Variants in CWH43 observed in about 807,000 individuals in gnomAD.
CWH43 encodes the protein cell wall biogenesis 43 C-terminal homolog, also known as PGAP2-interacting protein.
Under a neutral mutation model 85.7 loss-of-function variants are expected in CWH43, and 91 were observed. That is an observed-to-expected ratio of 1.06 (90% CI 0.90 to 1.26). CWH43 has a LOEUF of 1.26. Ranked by LOEUF, CWH43 falls within the 50% of genes most tolerant of loss-of-function variation. CWH43 has a pLI of 0.00. For synonymous variants in CWH43, 323 were observed against 293.6 expected, an observed-to-expected ratio of 1.10 and a Z score of -1.02; for missense variants, 869 against 839.2, an observed-to-expected ratio of 1.04 and a Z score of -0.44.
intron 9 of CWH43, among the ~76,000 whole-genome samples, chr4:49,024,863 T>C (rs906333449): frequency 2.0e-5 from 3 of 152,150 alleles, no homozygotes; most frequent in Non-Finnish European, 2.9e-5. Flanking sequence ...ATTTCCCAAG[T>C]GTTTTTTGAG....
chr4:49,041,684 T>C (rs1219890689), intron 13 of CWH43, among the ~76,000 whole-genome samples: 1 of 152,186 alleles, frequency 6.6e-6, no homozygotes, highest in African/African-American at 2.4e-5. Flanking sequence ...AGCACTGGAA[T>C]GGCACTGTGT....
intron 6 of CWH43, 27 bp from the exon 7 acceptor site, chr4:49,003,708 T>C: frequency 6.2e-7 from 1 of 1,612,540 alleles, no homozygotes; most frequent in African/African-American, 1.3e-5. Flanking sequence ...TGCTTTCCTG[T>C]CTGATTCTTT....
At chr4:49,035,907 G>A (rs1784248329) in intron 12 of CWH43, among the ~76,000 whole-genome samples, 1 of 152,120 alleles carries the variant, frequency 6.6e-6, no homozygotes, top group Admixed American at 6.6e-5. Flanking sequence ...AATCCTTGTT[G>A]TAGGTATCAG....
At chr4:49,060,792 A>C (rs573143641) in intron 15 of CWH43, among the ~76,000 whole-genome samples, 5 of 152,292 alleles carry the variant, frequency 3.3e-5, no homozygotes, top group African/African-American at 1.2e-4. Flanking sequence ...AGGGACAAGC[A>C]CTGGAAAGTC....
intron 15 of CWH43, among the ~76,000 whole-genome samples, chr4:49,053,845 T>C (rs945874434): frequency 6.6e-6 from 1 of 152,186 alleles, no homozygotes; most frequent in Non-Finnish European, 1.5e-5. Flanking sequence ...AAACAGTAAG[T>C]ATAATGCAAA....
chr4:49,035,713 T>G (rs572282660), intron 12 of CWH43, among the ~76,000 whole-genome samples: 3 of 152,334 alleles, frequency 2.0e-5, no homozygotes, highest in Admixed American at 2.0e-4. Context: ...CTTATACATA[T>G]ACTTTTTACT....
At chr4:48,994,567 G>A (rs369675204) in intron 4 of CWH43, 52 bp from the exon 5 acceptor site, 28 of 1,462,212 alleles carry the variant, frequency 1.9e-5, no homozygotes, top group South Asian at 2.4e-5. Context: ...AATATAGAGC[G>A]CAAATTTCCA....
At chr4:49,023,586 C>T (rs577215542) in intron 9 of CWH43, among the ~76,000 whole-genome samples, 83 of 152,002 alleles carry the variant, frequency 5.5e-4, no homozygotes, top group African/African-American at 1.7e-3. Context: ...CATGTTGGTC[C>T]GGCTGGTCTT....
chr4:49,047,007 C>T (rs1469146306), intron 14 of CWH43, among the ~76,000 whole-genome samples: 1 of 152,176 alleles, frequency 6.6e-6, no homozygotes, highest in African/African-American at 2.4e-5. Flanking sequence ...TTCCCTGAGC[C>T]TTAGTCTTTT....
intron 2 of CWH43, among the ~76,000 whole-genome samples, chr4:48,989,179 G>A (rs1466445862): frequency 6.6e-6 from 1 of 152,112 alleles, no homozygotes; most frequent in African/African-American, 2.4e-5. Flanking sequence ...ATAGAAAAGG[G>A]GGCACAGGAT....
chr4:49,032,850 G>A, intron 12 of CWH43, 135 bp downstream of exon 12: 10 of 1,143,320 alleles, frequency 8.7e-6, no homozygotes, highest in Non-Finnish European at 1.1e-5. Flanking sequence ...TGCGTTGCTG[G>A]TTTTAAAAAT....
At position 49,044,821 on chromosome 4, in the gene CWH43, A is replaced by G. The variant is rs776039341; in HGVS notation, c.1839A>G (p.Glu613=). Residue 613 remains glutamate (E), a synonymous_variant, in exon 14 of 16, where the codon GAA becomes GAG. Transcript: ENST00000226432. ...IDSTDHDRWC[E]YIMYRGLIRL... Reference sequence around the variant, plus strand: ...GCACTGATCATGACAGATGGTGTGAATACATTATGTATCGAGGGCTGATCA... The same window carrying G: ...GCACTGATCATGACAGATGGTGTGAGTACATTATGTATCGAGGGCTGATCA... 9.3e-6 allele frequency: 15 copies of G among 1,613,226 alleles called. No homozygotes were observed. In the South Asian group the frequency reaches 1.5e-4, roughly 17 times the overall value.
At chr4:49,021,415 CT>C (rs974739151) in intron 9 of CWH43, among the ~76,000 whole-genome samples, 1 of 152,068 alleles carries the variant, frequency 6.6e-6, no homozygotes, top group Non-Finnish European at 1.5e-5. Context: ...GTCTATATGC[CT>C]TTTTTTATAC....
chr4:49,050,716 C>A lies in CWH43; in HGVS notation c.1888C>A (p.His630Asn). ...CAGGTTGGGTTATGCAAGAATCTCC[C>A]ATGCTGAACTGAGTGATTCAGAAAT... is the stretch of plus-strand genomic sequence containing the variant. ...LIRLGYARISHAELSDSEIQM... is the reference protein window; with the variant it reads ...LIRLGYARISNAELSDSEIQM... Residue 630 changes from histidine (H) to asparagine (N), a missense_variant, in exon 15 of 16, where the codon CAT (histidine) becomes AAT (asparagine). Transcript: ENST00000226432. 1 of 1,612,190 alleles carries A rather than the reference C, an allele frequency of 6.2e-7. No homozygotes were observed. The highest frequency in any genetic ancestry group is 1.1e-5 in the South Asian group (1 of 90,686).
At chr4:49,008,388 T>A (rs918788537) in intron 8 of CWH43, among the ~76,000 whole-genome samples, 1 of 144,990 alleles carries the variant, frequency 6.9e-6, no homozygotes, top group African/African-American at 2.5e-5. Context: ...CTTTGTCACA[T>A]GGATAGATTG....
chr4:49,038,574 C>A (rs528808655), intron 13 of CWH43, among the ~76,000 whole-genome samples: 70 of 152,244 alleles, frequency 4.6e-4, no homozygotes, highest in Non-Finnish European at 8.8e-4. Context: ...CCAAGAGAAC[C>A]AGAAAAAATC....
chr4:49,035,792 A>G (rs779147890), intron 12 of CWH43, among the ~76,000 whole-genome samples: 4 of 152,116 alleles, frequency 2.6e-5, no homozygotes, highest in Non-Finnish European at 5.9e-5. Flanking sequence ...GATTACTTCC[A>G]GTTAGAATAT....
intron 2 of CWH43, among the ~76,000 whole-genome samples, chr4:48,990,324 A>C (rs980544141): frequency 6.6e-6 from 1 of 152,188 alleles, no homozygotes; most frequent in Non-Finnish European, 1.5e-5. Context: ...GAAGTGGCCA[A>C]TCTCTGCTAA....
chr4:49,044,401 C>T (rs1415340116), intron 13 of CWH43, among the ~76,000 whole-genome samples: 4 of 152,250 alleles, frequency 2.6e-5, no homozygotes, highest in South Asian at 2.1e-4. Flanking sequence ...ATACCTGGCA[C>T]GATGGCATAA....
Sources: allele counts gnomAD v4.1 joint callset (sites outside exome capture counted in the v4.1 genomes callset), GRCh38; gene constraint gnomAD v4.1.1; transcripts MANE v1.5; gene names NCBI Gene and HGNC (gene_info 2026-07-23, HGNC 2026-07-21).